The following SP1 variants were observed in gnomAD, a reference collection of about 807,000 sequenced individuals.
SP1 encodes the protein transcription factor Sp1.
A neutral mutation model predicts 66.3 loss-of-function variants in SP1; 6 were observed. The observed-to-expected ratio is 0.09, with a 90% CI of 0.05 to 0.18. SP1 has a LOEUF of 0.18. Ranked by LOEUF, SP1 falls within the 10% of genes least tolerant of loss-of-function variation. SP1 has a pLI of 1.00. For missense variants in SP1, 848 were observed against 964.5 expected (o/e 0.88, Z 1.60); for synonymous variants, 417 against 360.8 (o/e 1.16, Z -1.77).
chr12:53,392,787 G>C (rs1300737217), intron 3 of SP1, among the ~76,000 whole-genome samples: 1 of 151,958 alleles, frequency 6.6e-6, no homozygotes, highest in African/African-American at 2.4e-5. Context: ...GAGCCACCAT[G>C]CCTGGCCTAG....
chr12:53,410,870 G>C, intron 5 of SP1, 57 bp from the exon 6 acceptor site: 1 of 1,306,354 alleles, frequency 7.7e-7, no homozygotes. Context: ...ACTGAATTGG[G>C]TAAGGTAACC....
At chr12:53,405,776 T>C (rs1938720284) in intron 3 of SP1, among the ~76,000 whole-genome samples, 1 of 152,154 alleles carries the variant, frequency 6.6e-6, no homozygotes, top group South Asian at 2.1e-4. Context: ...CAATGCCGTA[T>C]GTTATTAGGG....
chr12:53,402,384 C>T (rs781588775), intron 3 of SP1, among the ~76,000 whole-genome samples: 6 of 152,048 alleles, frequency 3.9e-5, no homozygotes, highest in South Asian at 2.1e-4. Context: ...CCACCATGCC[C>T]GGCTAATTTT....
chr12:53,392,012 G>T (rs1938365661), intron 3 of SP1, among the ~76,000 whole-genome samples: 1 of 152,040 alleles, frequency 6.6e-6, no homozygotes, highest in South Asian at 2.1e-4. Flanking sequence ...GCAAATCTGT[G>T]CTGTAATTTG....
intron 3 of SP1, among the ~76,000 whole-genome samples, chr12:53,395,151 G>C (rs892604380): frequency 1.1e-4 from 16 of 152,012 alleles, no homozygotes; most frequent in Admixed American, 8.5e-4. Context: ...GACCAGCCTG[G>C]CTAACATGGT....
intron 1 of SP1, 104 bp from the exon 2 acceptor site, chr12:53,381,555 C>A: frequency 9.2e-7 from 1 of 1,089,486 alleles, no homozygotes; most frequent in Non-Finnish European, 1.3e-6. Flanking sequence ...TGGCTTTCGC[C>A]TTCCTGTTAG....
intron 4 of SP1, among the ~76,000 whole-genome samples, 197 bp downstream of exon 4, chr12:53,406,950 G>A (rs1472366318): frequency 3.3e-5 from 5 of 151,078 alleles, no homozygotes; most frequent in African/African-American, 1.2e-4. Flanking sequence ...TCAGCCTCCC[G>A]AGTAGCTGGG....
At chr12:53,407,046 G>T (rs1289895148) in intron 4 of SP1, among the ~76,000 whole-genome samples, 1 of 151,616 alleles carries the variant, frequency 6.6e-6, no homozygotes, top group East Asian at 1.9e-4. Flanking sequence ...GGATGGTCTC[G>T]ATCTCCTGAC....
At chr12:53,410,210 C>CAGG (rs1448391260) in intron 5 of SP1, among the ~76,000 whole-genome samples, 2 of 151,688 alleles carry the variant, frequency 1.3e-5, no homozygotes, top group African/African-American at 2.4e-5. Context: ...GAGGCTGAGG[C>CAGG]AGGAGAATTG....
At chr12:53,394,746 C>G (rs1036029677) in intron 3 of SP1, among the ~76,000 whole-genome samples, 5 of 151,142 alleles carry the variant, frequency 3.3e-5, no homozygotes, top group African/African-American at 1.2e-4. Context: ...TCCCGAGTAG[C>G]TGGGACTACA....
chr12:53,410,295 A>G (rs1938850874), intron 5 of SP1, among the ~76,000 whole-genome samples: 1 of 151,902 alleles, frequency 6.6e-6, no homozygotes, highest in African/African-American at 2.4e-5. Context: ...ACAGAGCAAG[A>G]CTCTGTCTCA....
At chr12:53,384,903 T>G (rs1938191615) in intron 3 of SP1, among the ~76,000 whole-genome samples, 3 of 151,334 alleles carry the variant, frequency 2.0e-5, no homozygotes. Context: ...GAGAATTGCT[T>G]GAATCTGGGA....
chr12:53,394,775 C>T (rs1360629353), intron 3 of SP1, among the ~76,000 whole-genome samples: 1 of 151,472 alleles, frequency 6.6e-6, no homozygotes, highest in African/African-American at 2.4e-5. Context: ...CCACCATGCC[C>T]AGCTAATTTT....
rs572515373 is a variant in SP1, at chr12:53,413,227, C to T, written c.*1987C>T. ...GTATGTTCCTAAGGTCATTTCTTTGCTTATGCTAAATTAATTACAATTATG... is the reference window on the plus strand; with the variant it reads ...GTATGTTCCTAAGGTCATTTCTTTGTTTATGCTAAATTAATTACAATTATG... On this transcript the variant is annotated 3_prime_UTR_variant, in exon 6 of 6. Transcript: ENST00000327443. 1 of 152,398 alleles carries T rather than the reference C, an allele frequency of 6.6e-6. No homozygotes were observed. Among genetic ancestry groups the T allele is most frequent in the African/African-American group, 2.4e-5 (1 of 41,424 alleles). The allele number at this position is 152,398 out of a possible 1,614,324, so 9.4% of individuals were successfully genotyped here.
intron 3 of SP1, among the ~76,000 whole-genome samples, chr12:53,404,268 TCA>T (rs1468054116): frequency 1.3e-5 from 2 of 150,974 alleles, no homozygotes; most frequent in Non-Finnish European, 2.9e-5. Context: ...GTGCGGTGAC[TCA>T]CGCCTGTAAT....
rs1280449036 is a variant in SP1 at position 53,381,883 on chromosome 12, T to G, written c.162+70T>G. 8 of 1,529,900 alleles carry G rather than the reference T, an allele frequency of 5.2e-6. No homozygotes were observed. In the Admixed American group the frequency reaches 1.7e-4, roughly 32 times the overall value. 94.8% of individuals were successfully genotyped at this position (1,529,900 alleles called of 1,614,324 possible). Reference sequence around the variant, plus strand: ...ATATTCTTAGATAATTGCCTTACTCTTCACAGAAAGCGTTTTAGGGAGAGA... The same window carrying G: ...ATATTCTTAGATAATTGCCTTACTCGTCACAGAAAGCGTTTTAGGGAGAGA... On this transcript the variant is annotated intron_variant, in intron 2 of 5. Coordinates refer to ENST00000327443, the MANE Select transcript of SP1 (RefSeq NM_138473.3).
At chr12:53,399,476 C>T (rs1938560732) in intron 3 of SP1, among the ~76,000 whole-genome samples, 1 of 151,776 alleles carries the variant, frequency 6.6e-6, no homozygotes, top group Non-Finnish European at 1.5e-5. Flanking sequence ...GGGCTACAGG[C>T]GCCCGCCACC....
At chr12:53,380,936 TTTTG>T (rs1434867475) in intron 1 of SP1, among the ~76,000 whole-genome samples, 10 of 150,028 alleles carry the variant, frequency 6.7e-5, no homozygotes, top group East Asian at 3.9e-4. Context: ...ACACTTGGAT[TTTTG>T]TTTGTCTTTT....
At chr12:53,392,347 A>ATTTTTTTTT (rs574953864) in intron 3 of SP1, among the ~76,000 whole-genome samples, 2 of 85,340 alleles carry the variant, frequency 2.3e-5, no homozygotes, top group Non-Finnish European at 4.1e-5. Context: ...CACCTGGCTA[A>ATTTTTTTTT]TTTTTTTTTT....
Sources: allele counts gnomAD v4.1 joint callset (sites outside exome capture counted in the v4.1 genomes callset), GRCh38; gene constraint gnomAD v4.1.1; transcripts MANE v1.5; gene names NCBI Gene and HGNC (gene_info 2026-07-23, HGNC 2026-07-21).